The following TDRD6 variants were observed in gnomAD, a reference collection of about 807,000 sequenced individuals.
TDRD6 encodes the protein tudor domain containing 6, also known as tudor domain-containing protein 6.
TDRD6 carries 186 observed loss-of-function variants against 157.5 expected under a neutral mutation model. The observed-to-expected ratio is 1.18, with a 90% confidence interval of 1.05 to 1.33. TDRD6 has a LOEUF of 1.33. Ranked by LOEUF, TDRD6 falls within the 40% of genes most tolerant of loss-of-function variation. The pLI, the probability that TDRD6 is intolerant of heterozygous loss-of-function variation, is 0.00. For synonymous variants in TDRD6, 1,075 were observed against 945.2 expected (o/e 1.14, Z -2.52); for missense variants, 3,066 against 2,508.0 (o/e 1.22, Z -4.75).
chr6:46,696,014 T>C, intron 2 of TDRD6, 69 bp downstream of exon 2: 10 of 1,538,970 alleles, frequency 6.5e-6, no homozygotes, highest in South Asian at 6.1e-5. Context: ...TACCAGACTC[T>C]GTCAGACTAG....
chr6:46,691,631 A>G lies in TDRD6; in HGVS notation c.3503A>G (p.Lys1168Arg), dbSNP rs1764323769. ...LLSYKDRIRK[K>R]ESEVLCSTTE... is the part of the protein sequence containing the mutation. Reference sequence around the variant, plus strand: ...AGTTACAAAGATAGAATAAGAAAAAAAGAAAGTGAAGTCCTCTGTTCTACA... The same window carrying G: ...AGTTACAAAGATAGAATAAGAAAAAGAGAAAGTGAAGTCCTCTGTTCTACA... Residue 1168 changes from lysine (K) to arginine (R), a missense_variant, in exon 1 of 4, where the codon AAA (lysine) becomes AGA (arginine). Coordinates refer to ENST00000316081, the MANE Select transcript of TDRD6 (RefSeq NM_001010870.3). The G allele has an allele frequency of 6.2e-7, 1 of 1,613,230 alleles. No homozygotes were observed. Among genetic ancestry groups the G allele is most frequent in the Non-Finnish European group, 8.5e-7 (1 of 1,179,632 alleles).
Position 46,688,744 on chromosome 6 carries a change from C to G in TDRD6, c.616C>G (p.Arg206Gly). 6.2e-7 allele frequency: 1 copy of G among 1,601,518 alleles called. No homozygotes were observed. The highest frequency in any genetic ancestry group is 8.5e-7 in the Non-Finnish European group (1 of 1,179,382). ...LARRVPDSLF[R>G]SLLERYLTAA... ...TCGGCGGGTGCCCGACAGCCTCTTC[C>G]GTTCGCTGCTGGAGCGCTATCTCAC... Residue 206 changes from arginine (R) to glycine (G), a missense_variant, in exon 1 of 4, where the codon CGT becomes GGT. By Grantham distance (125) the Arg-to-Gly change is moderately radical. Coordinates refer to ENST00000316081, the MANE Select transcript of TDRD6 (RefSeq NM_001010870.3).
Position 46,688,951 on chromosome 6 carries a change from G to T in TDRD6, c.823G>T (p.Glu275Ter). Residue 275 changes from glutamate (E) to a stop codon, truncating the protein, a stop_gained, in exon 1 of 4, where the codon GAG becomes TAG. Transcript: ENST00000316081. LOFTEE classifies it high-confidence loss of function. ...CTGCCAGCTCCGCAGCGTCTCGCAGGAGATCCACCGCCTCTCCGAGAGCAT... is the reference window on the plus strand; with the variant it reads ...CTGCCAGCTCCGCAGCGTCTCGCAGTAGATCCACCGCCTCTCCGAGAGCAT... ...IHCQLRSVSQ[E>*]IHRLSESMAQ... 6.2e-7 allele frequency: 1 copy of T among 1,612,504 alleles called. No homozygotes were observed. Among genetic ancestry groups the T allele is most frequent in the Non-Finnish European group, 8.5e-7 (1 of 1,179,052 alleles).
At chr6:46,699,406 T>C (rs1172301006) in intron 3 of TDRD6, among the ~76,000 whole-genome samples, 6 of 152,190 alleles carry the variant, frequency 3.9e-5, no homozygotes, top group African/African-American at 1.4e-4. Context: ...TAGGTGCCTA[T>C]GTTGCCATAG....
intron 2 of TDRD6, among the ~76,000 whole-genome samples, chr6:46,696,590 TATATATATATA>T (rs1764508364): frequency 7.8e-5 from 3 of 38,520 alleles, no homozygotes; most frequent in Non-Finnish European, 1.8e-4. Context: ...TGTATATATA[TATATATATATA>T]TTTTTTTTTT....
the TDRD6 span, chr6:46,681,699 G>T: frequency 1.2e-5 from 5 of 404,276 alleles, no homozygotes; most frequent in African/African-American, 8.3e-5. Context: ...GTGCCTAATT[G>T]CTTGTTATCA....
upstream of TDRD6, chr6:46,687,875 A>C (rs966114130): frequency 6.4e-6 from 3 of 470,062 alleles, no homozygotes; most frequent in African/African-American, 4.1e-5. Context: ...GCGCCGAGTG[A>C]GGTAAATGCG....
At chr6:46,681,432 T>C in the TDRD6 span, 3 of 434,016 alleles carry the variant, frequency 6.9e-6, no homozygotes. Flanking sequence ...ATTGATGCCA[T>C]ATACATGAAC....
In TDRD6 at chr6:46,701,842, T is replaced by C. The variant is rs764991821; in HGVS notation, c.6262-16T>C. On this transcript the variant is annotated splice_polypyrimidine_tract_variant and intron_variant, in intron 3 of 3. Coordinates refer to ENST00000316081, the MANE Select transcript of TDRD6 (RefSeq NM_001010870.3). ...TGTTTCTTTCTCAGTTTGAAGTTTT[T>C]CTCTTTTTGTTTCAGAAAAGGGGTT... is the stretch of plus-strand genomic sequence containing the variant. 1.2e-6 allele frequency: 2 copies of C among 1,612,768 alleles called. No homozygotes were observed. Among genetic ancestry groups the C allele is most frequent in the Admixed American group, 1.7e-5 (1 of 59,974 alleles).
At position 46,688,214 on chromosome 6, in the gene TDRD6, C is replaced by G; in HGVS notation, c.86C>G (p.Pro29Arg). The change falls in exon 1 of 4, where the codon CCG (proline) becomes CGG (arginine). Residue 29 changes from proline to arginine, a missense_variant. Transcript: ENST00000316081. The part of the protein sequence containing the change: ...SFVDVHPDVI[P>R]VQLWGLVGER... ...GTGGACGTGCATCCCGATGTGATCC[C>G]GGTGCAGCTGTGGGGGCTGGTGGGC... 1 of 1,541,178 alleles carries G rather than the reference C, an allele frequency of 6.5e-7. No homozygotes were observed. The highest frequency in any genetic ancestry group is 8.7e-7 in the Non-Finnish European group (1 of 1,150,008).
chr6:46,696,577 G>GTATATATATATATA (rs1203164399), intron 2 of TDRD6, among the ~76,000 whole-genome samples: 1 of 47,252 alleles, frequency 2.1e-5, no homozygotes, highest in East Asian at 6.5e-4. Context: ...GTGTGTGTGT[G>GTATATATATATATA]TGTGTATATA....
Position 46,692,563 on chromosome 6 carries a change from C to G in TDRD6, c.4435C>G (p.Leu1479Val). Residue 1479 changes from leucine (L) to valine (V), a missense_variant, in exon 1 of 4, where the codon CTC becomes GTC. Coordinates refer to ENST00000316081, the MANE Select transcript of TDRD6 (RefSeq NM_001010870.3). ...IADDMISRYA[L>V]SEKSQVELST... ...AGATGATATGATTAGCAGGTATGCT[C>G]TCAGTGAAAAATCTCAAGTAGAACT... 3.1e-6 allele frequency: 5 copies of G among 1,613,798 alleles called. No individual in the cohort carries two copies. The highest frequency in any genetic ancestry group is 4.2e-6 in the Non-Finnish European group (5 of 1,179,960).
chr6:46,693,737 G>A lies in TDRD6; in HGVS notation c.5609G>A (p.Ser1870Asn), dbSNP rs1764415258. 1 of 1,614,088 alleles carries A rather than the reference G, an allele frequency of 6.2e-7. No individual in the cohort carries two copies. The highest frequency in any genetic ancestry group is 1.7e-5 in the Admixed American group (1 of 60,008). ...LVVDEEKGEL[S>N]PVPPNVPLSQ... Reference sequence around the variant, plus strand: ...GTGGATGAAGAAAAAGGGGAGCTAAGCCCGGTGCCACCGAATGTGCCACTC... The same window carrying A: ...GTGGATGAAGAAAAAGGGGAGCTAAACCCGGTGCCACCGAATGTGCCACTC... The change falls in exon 1 of 4, where the codon AGC (serine) becomes AAC (asparagine). Residue 1870 changes from serine to asparagine, a missense_variant. Physicochemically the swap from Ser to Asn is conservative, Grantham distance 46 (BLOSUM62 1). Coordinates refer to ENST00000316081, the MANE Select transcript of TDRD6 (RefSeq NM_001010870.3).
chr6:46,695,840 C>T lies in TDRD6; in HGVS notation c.6066C>T (p.Tyr2022=). 6.2e-7 allele frequency: 1 copy of T among 1,613,592 alleles called. No individual in the cohort carries two copies. The highest frequency in any genetic ancestry group is 8.5e-7 in the Non-Finnish European group (1 of 1,179,700). ...DHISAQLQNT[Y]TLKAFTVGSK... is the part of the protein sequence containing the mutation. Reference sequence around the variant, plus strand: ...TGGCAGCTCAACTACAGAACACCTACACTCTGAAAGCCTTTACTGTTGGAT... The same window carrying T: ...TGGCAGCTCAACTACAGAACACCTATACTCTGAAAGCCTTTACTGTTGGAT... The change falls in exon 2 of 4, where the codon TAC becomes TAT. Residue 2022 remains tyrosine, a synonymous_variant. Coordinates refer to ENST00000316081, the MANE Select transcript of TDRD6 (RefSeq NM_001010870.3).
At chr6:46,680,368 A>G in the TDRD6 span, among the ~76,000 whole-genome samples, 1 of 151,952 alleles carries the variant, frequency 6.6e-6, no homozygotes, top group African/African-American at 2.4e-5. Context: ...ATTGAACTCT[A>G]GAATCTTAAC....
chr6:46,685,083 A>G (rs1764060122), upstream of TDRD6, among the ~76,000 whole-genome samples: 1 of 146,328 alleles, frequency 6.8e-6, no homozygotes, highest in Non-Finnish European at 1.5e-5. Flanking sequence ...TGTCATCTGT[A>G]CATCCTCCTC....
chr6:46,689,639 T>C lies in TDRD6; in HGVS notation c.1511T>C (p.Ile504Thr), dbSNP rs142315287. 10 of 1,614,194 alleles carry C rather than the reference T, an allele frequency of 6.2e-6. No homozygotes were observed. Among genetic ancestry groups the C allele is most frequent in the African/African-American group, 1.3e-5 (1 of 75,036 alleles). ...GTTAAAAATCCTTCTGAGTTTTGGA[T>C]TAGGTTGAGGAAACACAATGTCACC... ...EFVKNPSEFWIRLRKHNVTFS... is the reference protein window; with the variant it reads ...EFVKNPSEFWTRLRKHNVTFS... Residue 504 changes from isoleucine (I) to threonine (T), a missense_variant, in exon 1 of 4, where the codon ATT (isoleucine) becomes ACT (threonine). By Grantham distance (89) the Ile-to-Thr change is moderately conservative (BLOSUM62 -1). Transcript: ENST00000316081.
chr6:46,695,044 T>G (rs913255305), intron 1 of TDRD6, among the ~76,000 whole-genome samples: 9 of 152,202 alleles, frequency 5.9e-5, no homozygotes, highest in African/African-American at 2.2e-4. Context: ...TGTTTGCTAC[T>G]TAAAAAGAAT....
At position 46,690,896 on chromosome 6, in the gene TDRD6, C is replaced by T; in HGVS notation, c.2768C>T (p.Thr923Ile). 1.2e-6 allele frequency: 2 copies of T among 1,613,894 alleles called. No homozygotes were observed. The highest frequency in any genetic ancestry group is 1.7e-6 in the Non-Finnish European group (2 of 1,179,956). The change falls in exon 1 of 4, where the codon ACA (threonine) becomes ATA (isoleucine). Residue 923 changes from threonine (T) to isoleucine (I), a missense_variant. Physicochemically the swap from Thr to Ile is moderately conservative, Grantham distance 89. Transcript: ENST00000316081. Reference sequence around the variant, plus strand: ...CAAAAAAATCTAGAATTAAAATGTACAATATTTGCTCTGGCTTCAATTAAT... The same window carrying T: ...CAAAAAAATCTAGAATTAAAATGTATAATATTTGCTCTGGCTTCAATTAAT... The part of the protein sequence containing the change: ...AWQKNLELKC[T>I]IFALASINEE...
Sources: gnomAD v4.1 joint callset for allele counts (sites outside exome capture counted in the v4.1 genomes callset) on GRCh38, gnomAD v4.1.1 for gene constraint, MANE v1.5 for transcripts, NCBI Gene and HGNC (gene_info 2026-07-23, HGNC 2026-07-21) for gene names.